Variants in MRPL14 observed in about 807,000 individuals in gnomAD.
The protein encoded by MRPL14 is mitochondrial ribosomal protein L14.
Under a neutral mutation model 10.9 loss-of-function variants are expected in MRPL14, and 8 were observed. The observed-to-expected ratio is 0.74, with a 90% CI of 0.43 to 1.33. The LOEUF is 1.33. Among genes scored for constraint, MRPL14 ranks in the 40% most tolerant of loss-of-function variants. MRPL14 has a pLI of 0.01. For missense variants in MRPL14, 179 were observed against 194.5 expected (o/e 0.92, Z 0.47); for synonymous variants, 82 against 74.1 (o/e 1.11, Z -0.54).
intron 2 of MRPL14, among the ~76,000 whole-genome samples, chr6:44,115,731 T>C (rs1365748561): frequency 5.9e-5 from 9 of 152,162 alleles, no homozygotes; most frequent in African/African-American, 1.9e-4. Flanking sequence ...CCTACCACTC[T>C]GGGCAGGAGA....
intron 1 of MRPL14, chr6:44,127,094 G>A (rs1282191221): frequency 1.3e-5 from 2 of 151,866 alleles, no homozygotes; most frequent in African/African-American, 4.8e-5. Context: ...CCACGGACTT[G>A]GGGGTCGCAG....
chr6:44,116,811 G>A (rs1203624415), intron 1 of MRPL14, among the ~76,000 whole-genome samples, 182 bp from the exon 2 acceptor site: 2 of 152,234 alleles, frequency 1.3e-5, no homozygotes, highest in East Asian at 3.8e-4. Context: ...CGATTTTGCT[G>A]ATTCACATTC....
intron 1 of MRPL14, among the ~76,000 whole-genome samples, chr6:44,121,465 G>A (rs1776403581): frequency 6.6e-6 from 1 of 152,208 alleles, no homozygotes; most frequent in African/African-American, 2.4e-5. Flanking sequence ...AGTTGTAGAG[G>A]CAAGGGAGGA....
rs374674560 is a variant in MRPL14 at position 44,119,436 on chromosome 6, G to A, written c.-18-2807C>T. 1.8e-4 allele frequency among the ~76,000 whole-genome samples: 28 copies of A among 152,104 alleles called. No individual in the cohort carries two copies. In the East Asian group the frequency reaches 4.9e-3, roughly 26 times the overall value. ...CCAGGTACTCAGGAGGCTGAGACAG[G>A]AGAATCACTTGAACCCATGAGGCAA... On this transcript the variant is annotated intron_variant, in intron 1 of 2. Coordinates refer to ENST00000372014, the MANE Select transcript of MRPL14 (RefSeq NM_032111.4).
chr6:44,118,038 C>G (rs759404065), intron 1 of MRPL14, among the ~76,000 whole-genome samples: 15 of 152,086 alleles, frequency 9.9e-5, no homozygotes, highest in Admixed American at 2.0e-4. Context: ...CAAACTTACT[C>G]CCAAATGTTT....
At chr6:44,116,717 C>A in intron 1 of MRPL14, 88 bp from the exon 2 acceptor site, 1 of 802,256 alleles carries the variant, frequency 1.2e-6, no homozygotes, top group South Asian at 1.4e-5. Context: ...TGGGAGATGG[C>A]ACTTCCAGCA....
At chr6:44,127,168 A>ACCCCCCTCCCCGTCGGTACC (rs1777214429) in intron 1 of MRPL14, 176 bp downstream of exon 1, 1 of 79,414 alleles carries the variant, frequency 1.3e-5, no homozygotes, top group South Asian at 4.5e-4. Flanking sequence ...CCCCGTCGGG[A>ACCCCCCTCCCCGTCGGTACC]CCCCCCTCCC....
intron 1 of MRPL14, among the ~76,000 whole-genome samples, chr6:44,125,096 C>A (rs1054484145): frequency 6.6e-6 from 1 of 152,184 alleles, no homozygotes; most frequent in African/African-American, 2.4e-5. Context: ...TTGTTGTTAT[C>A]CACCCCGCCC....
intron 1 of MRPL14, among the ~76,000 whole-genome samples, chr6:44,121,350 C>A (rs768354911): frequency 2.7e-4 from 30 of 113,132 alleles, no homozygotes; most frequent in Non-Finnish European, 4.2e-4. Context: ...TTAAAAAGAG[C>A]TGGGGTGGGG....
chr6:44,116,607 G>C lies in MRPL14; in HGVS notation c.5C>G (p.Ala2Gly), dbSNP rs1775873186. Residue 2 changes from alanine to glycine, a missense_variant, in exon 2 of 3, where the codon GCT becomes GGT. Transcript: ENST00000372014. M[A>G]FFTGLWGPFT... is the part of the protein sequence containing the mutation. ...GGGGCCCCAGAGCCCAGTAAAGAAA[G>C]CCATGGGATCCCAAGATAGATCCTG... The C allele has an allele frequency of 6.8e-6, 11 of 1,613,980 alleles. No individual in the cohort carries two copies. In the East Asian group the frequency reaches 1.8e-4, roughly 26 times the overall value.
At position 44,114,061 on chromosome 6, in the gene MRPL14, G is replaced by C; in HGVS notation, c.220C>G (p.Leu74Val). 1 of 1,614,198 alleles carries C rather than the reference G, an allele frequency of 6.2e-7. No homozygotes were observed. Among genetic ancestry groups the C allele is most frequent in the South Asian group, 1.1e-5 (1 of 91,088 alleles). Residue 74 changes from leucine to valine, a missense_variant, in exon 3 of 3, where the codon CTA (leucine) becomes GTA (valine). Leu to Val is a conservative substitution (Grantham distance 32). Transcript: ENST00000372014. Reference sequence around the variant, plus strand: ...TTCTTCTGTCCCTTGATGGCCAGTAGTATCTGGTCGCCCACCTTGCCCACT... The same window carrying C: ...TTCTTCTGTCCCTTGATGGCCAGTACTATCTGGTCGCCCACCTTGCCCACT... ...NGVGKVGDQI[L>V]LAIKGQKKKA... is the part of the protein sequence containing the mutation.
chr6:44,121,271 T>C lies in MRPL14; in HGVS notation c.-18-4642A>G, dbSNP rs149903549. On this transcript the variant is annotated intron_variant, in intron 1 of 2. Transcript: ENST00000372014. ...GAAAACTTTGGCGCCAGAGATGGCA[T>C]TTCATGCCACTTCCTGGTCAGCACT... 3.2e-3 allele frequency among the ~76,000 whole-genome samples: 476 copies of C among 147,864 alleles called. 2 individuals are homozygous for C. The highest frequency in any genetic ancestry group is 0.012 in the African/African-American group (463 of 39,796).
chr6:44,125,375 G>T (rs1776859640), intron 1 of MRPL14, among the ~76,000 whole-genome samples: 1 of 152,160 alleles, frequency 6.6e-6, no homozygotes, highest in African/African-American at 2.4e-5. Context: ...ATGCCTTCTG[G>T]CTGGACAAGG....
chr6:44,123,921 T>C (rs1183300800), intron 1 of MRPL14, among the ~76,000 whole-genome samples: 2 of 152,188 alleles, frequency 1.3e-5, no homozygotes, highest in Non-Finnish European at 2.9e-5. Context: ...TTCTCAATTA[T>C]TCAAGATGGT....
rs1386353642 is a variant in MRPL14, at chr6:44,117,854, T to G, written c.-18-1225A>C. The stretch of plus-strand genomic sequence containing the variant: ...TAATTTTTTGTGTTTTTTTTTTTTT[T>G]TTTTTTTTTTTTGTAGAGATGATGG... On this transcript the variant is annotated intron_variant, in intron 1 of 2. Transcript: ENST00000372014. Among the ~76,000 whole-genome samples, 9 of 140,618 alleles carry G rather than the reference T, an allele frequency of 6.4e-5. 1 individual carries two copies. Among genetic ancestry groups the G allele is most frequent in the South Asian group, 4.8e-4 (2 of 4,132 alleles). The allele number at this position is 140,618 out of a possible 152,430, so 92.3% of individuals were successfully genotyped here.
At chr6:44,114,320 A>G (rs1260075059) in intron 2 of MRPL14, 111 bp from the exon 3 acceptor site, 3 of 1,287,062 alleles carry the variant, frequency 2.3e-6, no homozygotes, top group Non-Finnish European at 3.2e-6. Context: ...ACACACACAG[A>G]GCAGAGTGCT....
At chr6:44,125,227 G>C (rs1387552108) in intron 1 of MRPL14, among the ~76,000 whole-genome samples, 2 of 152,200 alleles carry the variant, frequency 1.3e-5, no homozygotes, top group African/African-American at 4.8e-5. Flanking sequence ...GCTTGCCCTG[G>C]AAAGTGTCAC....
intron 1 of MRPL14, among the ~76,000 whole-genome samples, chr6:44,124,014 T>C (rs1776698027): frequency 6.6e-6 from 1 of 152,228 alleles, no homozygotes; most frequent in Non-Finnish European, 1.5e-5. Flanking sequence ...TACAAACATC[T>C]ATAATCCAGA....
intron 1 of MRPL14, among the ~76,000 whole-genome samples, chr6:44,121,710 C>T (rs1484534909): frequency 3.3e-5 from 5 of 152,198 alleles, no homozygotes; most frequent in African/African-American, 4.8e-5. Flanking sequence ...GAGGCCAAGG[C>T]GGGCGGATCC....
Sources: gnomAD v4.1 joint callset for allele counts (sites outside exome capture counted in the v4.1 genomes callset) on GRCh38, gnomAD v4.1.1 for gene constraint, MANE v1.5 for transcripts, NCBI Gene and HGNC (gene_info 2026-07-23, HGNC 2026-07-21) for gene names.